Variants in ALDH6A1 observed in about 807,000 individuals in gnomAD.
ALDH6A1 encodes the protein aldehyde dehydrogenase 6 family member A1, also known as methylmalonate-semialdehyde/malonate-semialdehyde dehydrogenase [acylating], mitochondrial.
Under a neutral mutation model 62.6 loss-of-function variants are expected in ALDH6A1, and 43 were observed. That is an observed-to-expected ratio of 0.69 (90% CI 0.54 to 0.89). The LOEUF (loss-of-function observed/expected upper bound fraction) is 0.89. ALDH6A1 is among the 40% of genes least tolerant of loss of function. ALDH6A1 has a pLI of 0.00. For missense variants in ALDH6A1, 551 were observed against 661.3 expected (o/e 0.83, Z 1.83); for synonymous variants, 194 against 234.2 (o/e 0.83, Z 1.57).
chr14:74,079,431 T>G (rs1010869241), intron 1 of ALDH6A1, among the ~76,000 whole-genome samples: 2 of 88,284 alleles, frequency 2.3e-5, no homozygotes, highest in Non-Finnish European at 4.5e-5. Context: ...TTCTTATTGT[T>G]TTTTTTTTTT....
chr14:74,078,116 C>G, intron 1 of ALDH6A1: 1 of 444,570 alleles, frequency 2.2e-6, no homozygotes, highest in Admixed American at 2.5e-5. Context: ...CTTTGCTATT[C>G]CACAACTTTA....
At chr14:74,070,479 A>T (rs1227827417) in intron 6 of ALDH6A1, among the ~76,000 whole-genome samples, 1 of 152,170 alleles carries the variant, frequency 6.6e-6, no homozygotes, top group African/African-American at 2.4e-5. Context: ...AGATCGCACC[A>T]CTGCTCTCCA....
At position 74,057,645 on chromosome 14, in the gene ALDH6A1, G is replaced by T. The variant is rs1278664920; in HGVS notation, c.*2997C>A. On this transcript the variant is annotated 3_prime_UTR_variant, in exon 12 of 12. Coordinates refer to ENST00000553458, the MANE Select transcript of ALDH6A1 (RefSeq NM_005589.4). ...AAAGGCTTATAAGGAGATATGAAAT[G>T]ATTTTTTTAAGCCAAGTTTTTCTCT... 1.5e-6 allele frequency: 2 copies of T among 1,326,460 alleles called. No homozygotes were observed. Among genetic ancestry groups the T allele is most frequent in the Non-Finnish European group, 2.0e-6 (2 of 1,016,738 alleles). The allele number at this position is 1,326,460 out of a possible 1,614,324, so 82.2% of individuals were successfully genotyped here.
chr14:74,060,464 A>T lies in ALDH6A1; in HGVS notation c.*178T>A. On this transcript the variant is annotated 3_prime_UTR_variant, in exon 12 of 12. Coordinates refer to ENST00000553458, the MANE Select transcript of ALDH6A1 (RefSeq NM_005589.4). ...AAGAGCAAGTGAGAAATCTGGTTTCATTGTTACACTAGGCAGTTCCCTATA... is the reference window on the plus strand; with the variant it reads ...AAGAGCAAGTGAGAAATCTGGTTTCTTTGTTACACTAGGCAGTTCCCTATA... 1.6e-6 allele frequency: 1 copy of T among 623,532 alleles called. No homozygotes were observed. The allele number at this position is 623,532 out of a possible 1,614,324, so 38.6% of individuals were successfully genotyped here. A position where few individuals can be genotyped will look rare whatever the true frequency, so the allele number is the denominator to read the frequency against.
intron 1 of ALDH6A1, among the ~76,000 whole-genome samples, chr14:74,080,368 C>CA: frequency 7.8e-6 from 1 of 128,978 alleles, no homozygotes; most frequent in Admixed American, 8.1e-5. Context: ...TAAACTCTTT[C>CA]TTTTTTTTTT....
chr14:74,078,335 T>C (rs2060635531), intron 1 of ALDH6A1: 1 of 443,460 alleles, frequency 2.3e-6, no homozygotes, highest in African/African-American at 2.0e-5. Flanking sequence ...GATCAATATA[T>C]GTGGACTGGA....
intron 1 of ALDH6A1, among the ~76,000 whole-genome samples, chr14:74,079,133 C>G (rs572937632): frequency 6.6e-6 from 1 of 151,708 alleles, no homozygotes; most frequent in Admixed American, 6.6e-5. Flanking sequence ...AGGTGATACC[C>G]ACGTAATTAT....
intron 5 of ALDH6A1, 112 bp downstream of exon 5, chr14:74,071,784 C>A (rs922225176): frequency 1.6e-5 from 23 of 1,476,784 alleles, no homozygotes; most frequent in Non-Finnish European, 1.9e-5. Context: ...AAAAAGATAT[C>A]ATGGGATGGC....
chr14:74,067,640 G>T, intron 7 of ALDH6A1, 71 bp from the exon 8 acceptor site: 1 of 1,532,812 alleles, frequency 6.5e-7, no homozygotes, highest in Non-Finnish European at 9.0e-7. Context: ...ATTAAGCAGT[G>T]GACCAGGTGT....
chr14:74,075,994 T>G (rs928644531), intron 1 of ALDH6A1, among the ~76,000 whole-genome samples: 1 of 152,218 alleles, frequency 6.6e-6, no homozygotes, highest in Non-Finnish European at 1.5e-5. Flanking sequence ...TACTGTATGA[T>G]TCTACTTATG....
Position 74,071,250 on chromosome 14 carries a change from G to T in ALDH6A1, c.675C>A (p.Leu225=). Residue 225 remains leucine, a synonymous_variant, in exon 6 of 12, where the codon CTC becomes CTA. Transcript: ENST00000553458. ...PGATMLLAKL[L]QDSGAPDGTL... Reference sequence around the variant, plus strand: ...TTCCATCAGGGGCACCAGAATCCTGGAGCAACTTAGCAAGAAGCATAGTTG... The same window carrying T: ...TTCCATCAGGGGCACCAGAATCCTGTAGCAACTTAGCAAGAAGCATAGTTG... 2 of 1,614,088 alleles carry T rather than the reference G, an allele frequency of 1.2e-6. No individual in the cohort carries two copies. Among genetic ancestry groups the T allele is most frequent in the South Asian group, 2.2e-5 (2 of 91,060 alleles).
At position 74,067,692 on chromosome 14, in the gene ALDH6A1, G is replaced by T. The variant is rs1335852200; in HGVS notation, c.853-123C>A. ...AATCCCAGCACTTTGGAAGGCTGAGGTGAGAAGGATAACTTGAGGTCAGGA... is the reference window on the plus strand; with the variant it reads ...AATCCCAGCACTTTGGAAGGCTGAGTTGAGAAGGATAACTTGAGGTCAGGA... On this transcript the variant is annotated intron_variant, in intron 7 of 11. Transcript: ENST00000553458. 2.9e-6 allele frequency: 3 copies of T among 1,034,344 alleles called. No homozygotes were observed. The African/African-American group carries it at 4.7e-5, about 16-fold the overall frequency. The allele number at this position is 1,034,344 out of a possible 1,614,324, so 64.1% of individuals were successfully genotyped here.
Position 74,057,619 on chromosome 14 carries a change from C to T in ALDH6A1, c.*3023G>A, listed in dbSNP as rs547121281. The T allele has an allele frequency of 1.6e-5, 22 of 1,338,766 alleles. No homozygotes were observed. The South Asian group carries it at 2.3e-4, about 14-fold the overall frequency. 82.9% of individuals were successfully genotyped at this position (1,338,766 alleles called of 1,614,324 possible). On this transcript the variant is annotated 3_prime_UTR_variant, in exon 12 of 12. Coordinates refer to ENST00000553458, the MANE Select transcript of ALDH6A1 (RefSeq NM_005589.4). ...GTCAGAGTCATTACAACCTAGAGGA[C>T]AAAGGCTTATAAGGAGATATGAAAT...
chr14:74,080,703 A>G (rs1289704889), intron 1 of ALDH6A1, among the ~76,000 whole-genome samples: 1 of 152,180 alleles, frequency 6.6e-6, no homozygotes, highest in Admixed American at 6.5e-5. Flanking sequence ...TGGGCCACCC[A>G]AAGTGTTGGG....
intron 1 of ALDH6A1, among the ~76,000 whole-genome samples, chr14:74,075,879 C>T (rs2060607601): frequency 6.6e-6 from 1 of 152,122 alleles, no homozygotes; most frequent in African/African-American, 2.4e-5. Flanking sequence ...TATATTCATA[C>T]ACTGGAATAC....
rs1258405692 is a variant in ALDH6A1, at chr14:74,059,587, AG to A, written c.*1054del. On this transcript the variant is annotated 3_prime_UTR_variant, in exon 12 of 12. Transcript: ENST00000553458. ...GCGCATGCCTGTAATCCCAGCTACTAGGGGGGCTGAGGCAGGAGAATCGCTT... is the reference window on the plus strand; with the variant it reads ...GCGCATGCCTGTAATCCCAGCTACTAGGGGGCTGAGGCAGGAGAATCGCTT... 7.6e-6 allele frequency: 2 copies of A among 262,324 alleles called. No homozygotes were observed. Among genetic ancestry groups the A allele is most frequent in the Non-Finnish European group, 1.5e-5 (2 of 132,324 alleles). 16.2% of individuals were successfully genotyped at this position (262,324 alleles called of 1,614,324 possible).
chr14:74,065,654 G>A, intron 9 of ALDH6A1: 2 of 347,268 alleles, frequency 5.8e-6, no homozygotes, highest in Admixed American at 4.4e-5. Context: ...TTTAATACCT[G>A]AACGACTAGT....
rs2060305609 is a variant in ALDH6A1 at position 74,060,050 on chromosome 14, CTA to C, written c.*590_*591del. ...CTCTCCCAGTGGCATTTAGGTAGCG[CTA>C]TGTTTGAGGATCAACCAAAAGCGGT... On this transcript the variant is annotated 3_prime_UTR_variant, in exon 12 of 12. Transcript: ENST00000553458. The C allele has an allele frequency of 6.4e-6, 1 of 155,802 alleles. No individual in the cohort carries two copies. The highest frequency in any genetic ancestry group is 1.9e-4 in the South Asian group (1 of 5,152). 9.7% of individuals were successfully genotyped at this position (155,802 alleles called of 1,614,324 possible). A position where few individuals can be genotyped will look rare whatever the true frequency, so the allele number is the denominator to read the frequency against.
In ALDH6A1 at chr14:74,057,607, C is replaced by T. The variant is rs1161903183; in HGVS notation, c.*3035G>A. 3.0e-6 allele frequency: 4 copies of T among 1,336,024 alleles called. No individual in the cohort carries two copies. The highest frequency in any genetic ancestry group is 3.9e-6 in the Non-Finnish European group (4 of 1,026,450). The allele number at this position is 1,336,024 out of a possible 1,614,324, so 82.8% of individuals were successfully genotyped here. On this transcript the variant is annotated 3_prime_UTR_variant, in exon 12 of 12. Transcript: ENST00000553458. ...CACAGGTGGGAAGTCAGAGTCATTACAACCTAGAGGACAAAGGCTTATAAG... is the reference window on the plus strand; with the variant it reads ...CACAGGTGGGAAGTCAGAGTCATTATAACCTAGAGGACAAAGGCTTATAAG...
Sources: gnomAD v4.1 joint callset for allele counts (sites outside exome capture counted in the v4.1 genomes callset) on GRCh38, gnomAD v4.1.1 for gene constraint, MANE v1.5 for transcripts, NCBI Gene and HGNC (gene_info 2026-07-23, HGNC 2026-07-21) for gene names.